PLD5: variants seen among roughly 807,000 people sequenced by gnomAD.
PLD5 encodes phospholipase D family member 5, also known as inactive phospholipase D5.
A neutral mutation model predicts 61.1 loss-of-function variants in PLD5; 36 were observed. That is an observed-to-expected ratio of 0.59 (90% CI 0.45 to 0.78). The LOEUF (loss-of-function observed/expected upper bound fraction) is 0.78, where lower values mean the gene tolerates loss of function less well. Ranked by LOEUF, PLD5 falls within the 30% of genes least tolerant of loss-of-function variation. PLD5 has a pLI of 0.00. For synonymous variants in PLD5, 243 were observed against 242.8 expected (o/e 1.00, Z -0.01); for missense variants, 515 against 644.4 (o/e 0.80, Z 2.17).
intron 1 of PLD5, among the ~76,000 whole-genome samples, chr1:242,396,174 T>C (rs114012708): frequency 6.6e-6 from 1 of 152,158 alleles, no homozygotes; most frequent in African/African-American, 2.4e-5. Flanking sequence ...CAGGACCAGA[T>C]GTGGATGAGC....
chr1:242,527,093 A>G (rs1309467610), upstream of PLD5, among the ~76,000 whole-genome samples: 1 of 141,058 alleles, frequency 7.1e-6, no homozygotes, highest in Non-Finnish European at 1.5e-5. Flanking sequence ...TAGTGACTGC[A>G]GTAGTTGCTA....
At chr1:242,156,475 T>C (rs1278210120) in intron 5 of PLD5, among the ~76,000 whole-genome samples, 1 of 152,092 alleles carries the variant, frequency 6.6e-6, no homozygotes, top group Non-Finnish European at 1.5e-5. Context: ...GGTATGTTTT[T>C]GCAGTGGCTG....
chr1:242,509,414 G>A (rs1449124201), intron 1 of PLD5, among the ~76,000 whole-genome samples: 6 of 152,140 alleles, frequency 3.9e-5, no homozygotes, highest in African/African-American at 1.2e-4. Context: ...GTAAATGCCT[G>A]CCTCCTTTGA....
chr1:242,326,122 C>T (rs1293454888), intron 2 of PLD5, among the ~76,000 whole-genome samples: 1 of 86,908 alleles, frequency 1.2e-5, no homozygotes, highest in African/African-American at 4.2e-5. Flanking sequence ...AATGATCCTC[C>T]CCCCTCCCTC....
intron 1 of PLD5, among the ~76,000 whole-genome samples, chr1:242,357,178 G>A (rs1044861153): frequency 4.0e-5 from 6 of 151,776 alleles, no homozygotes; most frequent in African/African-American, 1.2e-4. Flanking sequence ...ATTTCTGAAA[G>A]CTTTGGTGGT....
chr1:242,179,654 G>C (rs534509278), intron 5 of PLD5, among the ~76,000 whole-genome samples: 1 of 152,274 alleles, frequency 6.6e-6, no homozygotes, highest in East Asian at 1.9e-4. Context: ...TGTAATCCCA[G>C]CATTTTGGGA....
At position 242,148,855 on chromosome 1, in the gene PLD5, T is replaced by C. The variant is rs563244478; in HGVS notation, c.736-24190A>G. ...ATTTCTACATACAGAAACATTAATT[T>C]TTGTATACTGATCTTATATCATAAA... is the stretch of plus-strand genomic sequence containing the variant. On this transcript the variant is annotated intron_variant, in intron 5 of 9. Coordinates refer to ENST00000536534, the MANE Select transcript of PLD5 (RefSeq NM_001372062.1). Among the ~76,000 whole-genome samples, 3 of 152,046 alleles carry C rather than the reference T, an allele frequency of 2.0e-5. No individual in the cohort carries two copies. In the South Asian group the frequency reaches 6.2e-4, roughly 32 times the overall value.
intron 5 of PLD5, among the ~76,000 whole-genome samples, chr1:242,185,825 T>C (rs1183545371): frequency 6.6e-6 from 1 of 152,176 alleles, no homozygotes; most frequent in Non-Finnish European, 1.5e-5. Flanking sequence ...CTATATTTTT[T>C]TTCTTGGACA....
intron 1 of PLD5, among the ~76,000 whole-genome samples, chr1:242,418,035 G>A (rs1022738631): frequency 2.0e-5 from 3 of 152,176 alleles, no homozygotes; most frequent in Non-Finnish European, 4.4e-5. Context: ...GGCAGAACCA[G>A]AAAGCTTTTG....
chr1:242,497,086 C>T (rs901318174), intron 1 of PLD5, among the ~76,000 whole-genome samples: 9 of 152,198 alleles, frequency 5.9e-5, no homozygotes, highest in African/African-American at 1.9e-4. Flanking sequence ...GAGCTGCCTA[C>T]GTCTTAACTT....
chr1:242,491,668 G>A (rs972354514), intron 1 of PLD5, among the ~76,000 whole-genome samples: 7 of 152,226 alleles, frequency 4.6e-5, no homozygotes, highest in Non-Finnish European at 5.9e-5. Context: ...AGTCTCATTT[G>A]TCAGTTTTAT....
chr1:242,156,336 A>C (rs1223525315), intron 5 of PLD5, among the ~76,000 whole-genome samples: 1 of 152,182 alleles, frequency 6.6e-6, no homozygotes, highest in Non-Finnish European at 1.5e-5. Flanking sequence ...TAATTGGGGC[A>C]TTTAGCCCAT....
chr1:242,195,473 T>C (rs1668582693), intron 5 of PLD5, among the ~76,000 whole-genome samples: 1 of 152,236 alleles, frequency 6.6e-6, no homozygotes, highest in Admixed American at 6.5e-5. Flanking sequence ...TCTCGCTGTT[T>C]CTCTTAGGGC....
At chr1:242,108,199 A>T (rs1661214338) in intron 7 of PLD5, among the ~76,000 whole-genome samples, 1 of 151,932 alleles carries the variant, frequency 6.6e-6, no homozygotes, top group South Asian at 2.1e-4. Flanking sequence ...CCAGTTAGGA[A>T]CCCTGAGCAC....
At chr1:242,528,778 G>T (rs1385345578), upstream of PLD5, among the ~76,000 whole-genome samples, 1 of 152,126 alleles carries the variant, frequency 6.6e-6, no homozygotes, top group East Asian at 1.9e-4. Context: ...AAAAAGCCAG[G>T]TTCATTGACT....
At chr1:242,463,549 AC>A (rs1667184431) in intron 1 of PLD5, among the ~76,000 whole-genome samples, 1 of 151,858 alleles carries the variant, frequency 6.6e-6, no homozygotes, top group East Asian at 1.9e-4. Context: ...TCTCATTCTT[AC>A]CCTCAGCTTA....
intron 5 of PLD5, among the ~76,000 whole-genome samples, chr1:242,151,736 A>G (rs1299779854): frequency 6.6e-6 from 1 of 152,064 alleles, no homozygotes; most frequent in Non-Finnish European, 1.5e-5. Context: ...CTATTCAGAC[A>G]TTTCTTCTCA....
intron 5 of PLD5, among the ~76,000 whole-genome samples, chr1:242,161,987 CTG>C (rs1665873341): frequency 6.6e-6 from 1 of 152,152 alleles, no homozygotes. Flanking sequence ...GGGGCAAACA[CTG>C]TAATCCTCTG....
intron 5 of PLD5, among the ~76,000 whole-genome samples, chr1:242,198,941 T>C (rs1250951157): frequency 6.6e-6 from 1 of 151,724 alleles, no homozygotes; most frequent in East Asian, 2.0e-4. Flanking sequence ...TCCATGTTGG[T>C]CAGGCTGGTC....
Sources: allele counts gnomAD v4.1 joint callset (sites outside exome capture counted in the v4.1 genomes callset), GRCh38; gene constraint gnomAD v4.1.1; transcripts MANE v1.5; gene names NCBI Gene and HGNC (gene_info 2026-07-23, HGNC 2026-07-21).